The following MAGI2 variants were observed in gnomAD, a reference collection of about 807,000 sequenced individuals.
The protein encoded by MAGI2 is membrane associated guanylate kinase, WW and PDZ domain containing 2.
Under a neutral mutation model 133.3 loss-of-function variants are expected in MAGI2, and 35 were observed. That is an observed-to-expected ratio of 0.26 (90% CI 0.20 to 0.35). The LOEUF (loss-of-function observed/expected upper bound fraction) is 0.35. MAGI2 is among the 10% of genes least tolerant of loss of function. The pLI, the probability that MAGI2 is intolerant of heterozygous loss-of-function variation, is 1.00. For missense variants in MAGI2, 1,636 were observed against 1,863.4 expected (o/e 0.88, Z 2.25); for synonymous variants, 729 against 710.6 (o/e 1.03, Z -0.41).
At chr7:78,392,742 C>T (rs1024978105) in intron 6 of MAGI2, among the ~76,000 whole-genome samples, 1 of 152,202 alleles carries the variant, frequency 6.6e-6, no homozygotes, top group African/African-American at 2.4e-5. Context: ...CTCCCAGTTT[C>T]AAGTGATTCT....
chr7:78,565,038 C>T (rs1800806432), intron 3 of MAGI2, among the ~76,000 whole-genome samples: 1 of 152,000 alleles, frequency 6.6e-6, no homozygotes, highest in Admixed American at 6.6e-5. Context: ...TGTGATCCGT[C>T]TGCCTCAGCC....
intron 3 of MAGI2, among the ~76,000 whole-genome samples, chr7:78,579,865 G>A (rs1802655496): frequency 6.6e-6 from 1 of 152,062 alleles, no homozygotes; most frequent in South Asian, 2.1e-4. Flanking sequence ...CCCTACACTA[G>A]TCTAAACTAC....
chr7:79,184,124 TAAAAG>T (rs1391347892), intron 1 of MAGI2, among the ~76,000 whole-genome samples: 1 of 151,752 alleles, frequency 6.6e-6, no homozygotes, highest in East Asian at 1.9e-4. Flanking sequence ...TCAAAATTGC[TAAAAG>T]AATAGATTCT....
intron 2 of MAGI2, among the ~76,000 whole-genome samples, chr7:78,845,128 T>C (rs1792480228): frequency 1.3e-5 from 2 of 151,954 alleles, no homozygotes. Context: ...AATTAAAGTC[T>C]AGCATAAAGT....
At chr7:78,980,780 T>C (rs1319667747) in intron 2 of MAGI2, among the ~76,000 whole-genome samples, 2 of 151,844 alleles carry the variant, frequency 1.3e-5, no homozygotes, top group Non-Finnish European at 2.9e-5. Flanking sequence ...CGTTTTTTGT[T>C]TTTTGTTTTT....
chr7:78,922,949 A>G (rs1024348961), intron 2 of MAGI2, among the ~76,000 whole-genome samples: 7 of 151,958 alleles, frequency 4.6e-5, no homozygotes, highest in Non-Finnish European at 8.8e-5. Flanking sequence ...GCCAGTGATG[A>G]TGAGCATTTT....
chr7:78,672,736 C>G (rs1487664658), intron 2 of MAGI2, among the ~76,000 whole-genome samples: 1 of 152,180 alleles, frequency 6.6e-6, no homozygotes, highest in Non-Finnish European at 1.5e-5. Flanking sequence ...GTGCCCCATC[C>G]TGGGGCTGTT....
intron 3 of MAGI2, among the ~76,000 whole-genome samples, chr7:78,540,042 G>A (rs904518686): frequency 5.3e-5 from 8 of 152,234 alleles, no homozygotes; most frequent in Non-Finnish European, 2.9e-5. Flanking sequence ...GCGCTTTCAA[G>A]AGCGCATCAG....
intron 2 of MAGI2, among the ~76,000 whole-genome samples, chr7:78,702,875 T>G (rs559647519): frequency 1.3e-5 from 2 of 152,092 alleles, no homozygotes; most frequent in African/African-American, 4.8e-5. Context: ...GCTATGCAGT[T>G]GGTTAAATAA....
chr7:78,265,295 T>C lies in MAGI2; in HGVS notation c.1409-8714A>G, dbSNP rs560859504. 6.8e-4 allele frequency among the ~76,000 whole-genome samples: 104 copies of C among 152,264 alleles called. 1 individual carries two copies. In the Middle Eastern group the frequency reaches 0.01, roughly 15 times the overall value. On this transcript the variant is annotated intron_variant, in intron 9 of 21. Transcript: ENST00000354212. ...TGATTATTTGCTGATCTGGCAAAGA[T>C]GAAACAACACTTCAGATTAAAAACT...
chr7:78,287,011 A>G (rs1278053634), intron 9 of MAGI2, among the ~76,000 whole-genome samples: 1 of 152,156 alleles, frequency 6.6e-6, no homozygotes, highest in East Asian at 1.9e-4. Flanking sequence ...AGTGGAGGAC[A>G]TTGTATTCCA....
chr7:79,124,717 C>T (rs1261588160), intron 1 of MAGI2: 4 of 153,994 alleles, frequency 2.6e-5, no homozygotes, highest in Non-Finnish European at 5.8e-5. Flanking sequence ...AGTCTCTCTG[C>T]CTACTACCAT....
At chr7:78,126,193 GGTGTGTGT>G (rs3085805) in intron 19 of MAGI2, among the ~76,000 whole-genome samples, 12 of 149,004 alleles carry the variant, frequency 8.1e-5, no homozygotes, top group Non-Finnish European at 1.3e-4. Context: ...ATAAATGTCA[GGTGTGTGT>G]GTGTGTGTGT....
At chr7:78,887,608 CTG>C (rs1339422789) in intron 2 of MAGI2, among the ~76,000 whole-genome samples, 4 of 152,246 alleles carry the variant, frequency 2.6e-5, no homozygotes, top group African/African-American at 9.6e-5. Context: ...CCAACTGATA[CTG>C]TGTGGGTCTT....
intron 14 of MAGI2, among the ~76,000 whole-genome samples, chr7:78,169,118 G>A (rs1825880032): frequency 6.6e-6 from 1 of 152,178 alleles, no homozygotes; most frequent in Non-Finnish European, 1.5e-5. Flanking sequence ...GTGATGAAAG[G>A]CAACACATAA....
At chr7:79,261,271 T>C (rs1834068221) in intron 1 of MAGI2, among the ~76,000 whole-genome samples, 1 of 152,218 alleles carries the variant, frequency 6.6e-6, no homozygotes, top group South Asian at 2.1e-4. Context: ...TCAAATTTAT[T>C]GTCCCTTGAC....
chr7:79,255,351 G>A (rs751950319), intron 1 of MAGI2, among the ~76,000 whole-genome samples: 35 of 152,174 alleles, frequency 2.3e-4, no homozygotes, highest in Non-Finnish European at 4.3e-4. Context: ...TCAGCTAGAG[G>A]TGGTCATTGG....
intron 1 of MAGI2, among the ~76,000 whole-genome samples, chr7:79,452,042 A>G (rs1039637878): frequency 6.6e-6 from 1 of 152,130 alleles, no homozygotes; most frequent in African/African-American, 2.4e-5. Flanking sequence ...ACAGCCTCCA[A>G]TTGAGGTTCA....
chr7:78,239,056 T>G (rs1264523809), intron 10 of MAGI2, among the ~76,000 whole-genome samples: 1 of 152,032 alleles, frequency 6.6e-6, no homozygotes, highest in Non-Finnish European at 1.5e-5. Context: ...TGGATATCTC[T>G]ACAGCTTGCT....
Sources: allele counts gnomAD v4.1 joint callset (sites outside exome capture counted in the v4.1 genomes callset), GRCh38; gene constraint gnomAD v4.1.1; transcripts MANE v1.5; gene names NCBI Gene and HGNC (gene_info 2026-07-23, HGNC 2026-07-21).